CD163: variants seen among roughly 807,000 people sequenced by gnomAD.
The protein encoded by CD163 is scavenger receptor cysteine-rich type 1 protein M130.
Under a neutral mutation model 129.2 loss-of-function variants are expected in CD163, and 64 were observed. The ratio of observed to expected loss-of-function variants is 0.50; its 90% CI spans 0.41 to 0.61. The LOEUF (loss-of-function observed/expected upper bound fraction) is 0.61, where lower values mean the gene tolerates loss of function less well. Ranked by LOEUF, CD163 falls within the 20% of genes least tolerant of loss-of-function variation. The pLI is 0.00. For synonymous variants in CD163, 446 were observed against 478.5 expected (o/e 0.93, Z 0.89); for missense variants, 1,061 against 1,377.9 (o/e 0.77, Z 3.64).
At chr12:7,492,867 C>T (rs1175747120) in intron 6 of CD163, among the ~76,000 whole-genome samples, 2 of 152,150 alleles carry the variant, frequency 1.3e-5, no homozygotes, top group African/African-American at 4.8e-5. Context: ...AAAATTGATA[C>T]TCCAGATACA....
chr12:7,479,192 T>G (rs1381230912), intron 16 of CD163, among the ~76,000 whole-genome samples: 1 of 152,120 alleles, frequency 6.6e-6, no homozygotes, highest in Non-Finnish European at 1.5e-5. Flanking sequence ...CCACATGGCC[T>G]CTTCATATTA....
intron 6 of CD163, 98 bp from the exon 7 acceptor site, chr12:7,488,185 C>T: frequency 4.0e-6 from 5 of 1,260,678 alleles, no homozygotes; most frequent in East Asian, 2.5e-5. Flanking sequence ...GAAATGGAGA[C>T]CAGGGTGCTC....
In CD163 at chr12:7,501,274, C is replaced by A; in HGVS notation, c.322G>T (p.Ala108Ser). The change falls in exon 3 of 17, where the codon GCA (alanine) becomes TCA (serine). Residue 108 changes from alanine (A) to serine (S), a missense_variant. Physicochemically the swap from Ala to Ser is moderately conservative, Grantham distance 99 (BLOSUM62 1). Coordinates refer to ENST00000432237, the MANE Select transcript of CD163 (RefSeq NM_203416.4). ...TCCATCCAAATGCGTCCAGAACCTG[C>A]ACTGGAATTAGCCCATCCAGGGGCT... ...IKAPGWANSSAGSGRIWMDHV... is the reference protein window; with the variant it reads ...IKAPGWANSSSGSGRIWMDHV... 6.2e-7 allele frequency: 1 copy of A among 1,614,202 alleles called. No individual in the cohort carries two copies. The highest frequency in any genetic ancestry group is 2.2e-5 in the East Asian group (1 of 44,880).
At position 7,486,949 on chromosome 12, in the gene CD163, C is replaced by A; in HGVS notation, c.2088G>T (p.Ser696=). 1 of 1,614,074 alleles carries A rather than the reference C, an allele frequency of 6.2e-7. No individual in the cohort carries two copies. The highest frequency in any genetic ancestry group is 2.2e-5 in the East Asian group (1 of 44,882). The change falls in exon 9 of 17, where the codon TCG becomes TCT. Residue 696 remains serine, a synonymous_variant. Transcript: ENST00000432237. ...QSQTLSSCNS[S]SLGPTRPTIP... is the part of the protein sequence containing the mutation. The stretch of plus-strand genomic sequence containing the variant: ...TGGTAGGCCTTGTTGGGCCCAAAGA[C>A]GATGAATTGCACGAGGACAGTGTTT...
chr12:7,487,232 G>T lies in CD163; in HGVS notation c.2050+127C>A. 8.9e-7 allele frequency: 1 copy of T among 1,122,286 alleles called. No homozygotes were observed. The highest frequency in any genetic ancestry group is 2.6e-5 in the East Asian group (1 of 38,642). 69.5% of individuals were successfully genotyped at this position (1,122,286 alleles called of 1,614,324 possible). The stretch of plus-strand genomic sequence containing the variant: ...AAAAGACAAATGAGGTTAATATTCT[G>T]AAGCATGAATTAGTATTCATTCTTC... On this transcript the variant is annotated intron_variant, in intron 8 of 16. Coordinates refer to ENST00000432237, the MANE Select transcript of CD163 (RefSeq NM_203416.4). This position sits in a 1 kb window ranked among gnomAD's most constrained non-coding sequence, Gnocchi z 5.1.
chr12:7,499,337 T>C, intron 3 of CD163, 149 bp from the exon 4 acceptor site: 2 of 617,928 alleles, frequency 3.2e-6, no homozygotes, highest in Non-Finnish European at 5.6e-6. Context: ...CGGTAGAGAA[T>C]TTTAATATGT....
rs754608064 is a variant in CD163 at position 7,485,127 on chromosome 12, G to T, written c.2748C>A (p.Ser916Arg). 3.7e-6 allele frequency: 6 copies of T among 1,611,622 alleles called. No individual in the cohort carries two copies. The highest frequency in any genetic ancestry group is 2.7e-5 in the African/African-American group (2 of 74,920). The change falls in exon 11 of 17, where the codon AGC becomes AGA. Residue 916 changes from serine to arginine, a missense_variant. Ser to Arg is a moderately radical substitution (Grantham distance 110). Transcript: ENST00000432237. This position sits in a 1 kb window ranked among gnomAD's most constrained non-coding sequence, Gnocchi z 4.5. Reference protein sequence around the residue: ...PSSPWEKRLASPSEETWITCD... With the variant: ...PSSPWEKRLARPSEETWITCD... ...ATGTGATCCAGGTCTCCTCCGAGGGGCTGGCCAGTCTCTTCTCCCATGGAG... is the reference window on the plus strand; with the variant it reads ...ATGTGATCCAGGTCTCCTCCGAGGGTCTGGCCAGTCTCTTCTCCCATGGAG...
intron 16 of CD163, among the ~76,000 whole-genome samples, chr12:7,472,508 A>G (rs759079975): frequency 3.3e-5 from 5 of 152,194 alleles, no homozygotes; most frequent in Non-Finnish European, 7.3e-5. Flanking sequence ...AAAACTAACA[A>G]ACAGAAATCA....
At chr12:7,480,662 A>G (rs1208603383) in intron 15 of CD163, 1 of 159,356 alleles carries the variant, frequency 6.3e-6, no homozygotes, top group Non-Finnish European at 1.4e-5. Context: ...GATTCATGCT[A>G]AGTGAGTAGG....
chr12:7,494,909 T>C (rs1315021675), intron 6 of CD163, among the ~76,000 whole-genome samples, 172 bp downstream of exon 6: 1 of 152,198 alleles, frequency 6.6e-6, no homozygotes, highest in African/African-American at 2.4e-5. Context: ...CACTTCTATC[T>C]AAAGTGCAAC....
At chr12:7,498,146 C>CACACAG (rs537347284) in intron 4 of CD163, among the ~76,000 whole-genome samples, 53 of 148,942 alleles carry the variant, frequency 3.6e-4, no homozygotes, top group African/African-American at 1.3e-3. Flanking sequence ...CACACACACA[C>CACACAG]AGAGAGAGAG....
At chr12:7,490,621 T>C (rs538763123) in intron 6 of CD163, among the ~76,000 whole-genome samples, 1 of 152,120 alleles carries the variant, frequency 6.6e-6, no homozygotes, top group Admixed American at 6.5e-5. Flanking sequence ...CACAATGATA[T>C]AGATACACCA....
At position 7,499,050 on chromosome 12, in the gene CD163, T is replaced by C. The variant is rs1949442109; in HGVS notation, c.596A>G (p.Gln199Arg). Residue 199 changes from glutamine (Q) to arginine (R), a missense_variant, in exon 4 of 17, where the codon CAA (glutamine) becomes CGA (arginine). Gln to Arg is a conservative substitution (Grantham distance 43). Coordinates refer to ENST00000432237, the MANE Select transcript of CD163 (RefSeq NM_203416.4). ...ACTGACAGCACTTCCACATTCAAGT[T>C]GTCTACAAATGACAGATGCATGATC... is the stretch of plus-strand genomic sequence containing the variant. ...NIDHASVICR[Q>R]LECGSAVSFS... is the part of the protein sequence containing the mutation. The C allele has an allele frequency of 1.9e-6, 3 of 1,614,176 alleles. No homozygotes were observed. Among genetic ancestry groups the C allele is most frequent in the Non-Finnish European group, 2.5e-6 (3 of 1,180,030 alleles).
Position 7,483,250 on chromosome 12 carries a change from G to C in CD163, c.3088+117C>G, listed in dbSNP as rs771486839. On this transcript the variant is annotated intron_variant, in intron 12 of 16. Transcript: ENST00000432237. ...TTCAGTAGAGACATTATGATTCTCTGAGAATCCCCACCAGATCCCTGTGCT... is the reference window on the plus strand; with the variant it reads ...TTCAGTAGAGACATTATGATTCTCTCAGAATCCCCACCAGATCCCTGTGCT... 4 of 980,398 alleles carry C rather than the reference G, an allele frequency of 4.1e-6. No individual in the cohort carries two copies. The African/African-American group carries it at 4.9e-5, about 12-fold the overall frequency. 60.7% of individuals were successfully genotyped at this position (980,398 alleles called of 1,614,324 possible). A position where few individuals can be genotyped will look rare whatever the true frequency, so the allele number is the denominator to read the frequency against.
In CD163 at chr12:7,482,715, C is replaced by G; in HGVS notation, c.3175G>C (p.Val1059Leu). 1 of 1,614,068 alleles carries G rather than the reference C, an allele frequency of 6.2e-7. No individual in the cohort carries two copies. The highest frequency in any genetic ancestry group is 8.5e-7 in the Non-Finnish European group (1 of 1,179,958). ...GCGACGAAAATGGCCAACAGAACAA[C>G]CCCAAGGATCCCGACTGCAATAAAG... The part of the protein sequence containing the change: ...SSFIAVGILG[V>L]VLLAIFVALF... The change falls in exon 14 of 17, where the codon GTT (valine) becomes CTT (leucine). Residue 1059 changes from valine (V) to leucine (L), a missense_variant. Transcript: ENST00000432237.
intron 16 of CD163, among the ~76,000 whole-genome samples, chr12:7,475,107 A>AAC (rs1555206827): frequency 6.7e-6 from 1 of 149,154 alleles, no homozygotes; most frequent in African/African-American, 2.4e-5. Context: ...CAAAAAAAAA[A>AAC]AAAAAAAAAA....
chr12:7,498,808 T>G, intron 4 of CD163, 60 bp downstream of exon 4: 2 of 1,462,382 alleles, frequency 1.4e-6, no homozygotes, highest in South Asian at 2.6e-5. Flanking sequence ...CTCTTAAGAT[T>G]TATTACCCCT....
At position 7,487,665 on chromosome 12, in the gene CD163, C is replaced by T; in HGVS notation, c.1744G>A (p.Glu582Lys). The part of the protein sequence containing the change: ...DVGVVCSRYT[E>K]IRLVNGKTPC... ...GTCTTGCCATTCACCAAGCGAATTT[C>T]TGTGTATCCTGGAAGGAGACAGGGC... Residue 582 changes from glutamate (E) to lysine (K), a missense_variant, in exon 8 of 17, where the codon GAA becomes AAA. By Grantham distance (56) the Glu-to-Lys change is moderately conservative (BLOSUM62 1). Transcript: ENST00000432237. The surrounding 1 kb of genome is among the most constrained non-coding windows in gnomAD (Gnocchi z 5.1). 2 of 1,614,146 alleles carry T rather than the reference C, an allele frequency of 1.2e-6. No individual in the cohort carries two copies. Among genetic ancestry groups the T allele is most frequent in the Non-Finnish European group, 1.7e-6 (2 of 1,180,024 alleles).
At chr12:7,484,987 A>G in intron 11 of CD163, 109 bp downstream of exon 11, 1 of 988,930 alleles carries the variant, frequency 1.0e-6, no homozygotes, top group Non-Finnish European at 1.5e-6. Flanking sequence ...AATTCAATCT[A>G]ACAATTTAAG....
Sources: gnomAD v4.1 joint callset for allele counts (sites outside exome capture counted in the v4.1 genomes callset) on GRCh38, gnomAD v4.1.1 for gene constraint, Gnocchi (gnomAD v3.1) non-coding constraint, MANE v1.5 for transcripts, NCBI Gene and HGNC (gene_info 2026-07-23, HGNC 2026-07-21) for gene names.